Variants in ZNF18 observed in about 807,000 individuals in gnomAD.
The protein encoded by ZNF18 is heart development-specific gene 1 protein.
In ZNF18, 42 loss-of-function variants were observed where a neutral mutation model predicts 58.1. The ratio of observed to expected loss-of-function variants is 0.72; its 90% CI spans 0.56 to 0.93. The LOEUF (loss-of-function observed/expected upper bound fraction) is 0.93. Ranked by LOEUF, ZNF18 falls within the 40% of genes least tolerant of loss-of-function variation. The probability of loss-of-function intolerance (pLI) is 0.00; values close to 1 mark genes in which losing one functional copy is unlikely to be tolerated. For synonymous variants in ZNF18, 231 were observed against 239.8 expected (o/e 0.96, Z 0.34); for missense variants, 540 against 644.2 (o/e 0.84, Z 1.75).
chr17:11,985,620 G>C (rs1030787977), intron 4 of ZNF18, among the ~76,000 whole-genome samples: 1 of 152,126 alleles, frequency 6.6e-6, no homozygotes, highest in Admixed American at 6.5e-5. Flanking sequence ...GCCTCTACTA[G>C]CAATGTAAGC....
At position 11,977,960 on chromosome 17, in the gene ZNF18, T is replaced by C. The variant is rs1478870508; in HGVS notation, c.1647A>G (p.Gln549=). 1.3e-6 allele frequency: 2 copies of C among 1,557,326 alleles called. No homozygotes were observed. The highest frequency in any genetic ancestry group is 1.7e-6 in the Non-Finnish European group (2 of 1,154,638). ...QRSHLGKKPF[Q] is the part of the protein sequence containing the mutation. ...GGAAAGAGAGTTTGGTTACTGGCTA[T>C]TGAAAGGGCTTCTTTCCTAAGTGGG... The change falls in exon 7 of 7, where the codon CAA becomes CAG. Residue 549 remains glutamine (Q), a synonymous_variant. Transcript: ENST00000580306.
chr17:12,001,453 C>A (rs1230260225), upstream of ZNF18, among the ~76,000 whole-genome samples: 3 of 152,030 alleles, frequency 2.0e-5, no homozygotes, highest in South Asian at 2.1e-4. Flanking sequence ...CATGGTGAAA[C>A]CCCATCTCTA....
rs528550301 is a variant in ZNF18, at chr17:11,984,768, A to G, written c.667-571T>C. 7.0e-4 allele frequency among the ~76,000 whole-genome samples: 106 copies of G among 152,170 alleles called. 1 individual carries two copies. The highest frequency in any genetic ancestry group is 1.1e-3 in the Non-Finnish European group (72 of 68,004). The stretch of plus-strand genomic sequence containing the variant: ...GTGATCTGCCCGCCTTGGCCTCCTA[A>G]AGTGCTGGGATTACAGGTGTGAGCC... On this transcript the variant is annotated intron_variant, in intron 4 of 6. Coordinates refer to ENST00000580306, the MANE Select transcript of ZNF18 (RefSeq NM_001303281.2).
At chr17:11,995,848 A>G (rs1264924154) in intron 1 of ZNF18, among the ~76,000 whole-genome samples, 1 of 152,202 alleles carries the variant, frequency 6.6e-6, no homozygotes, top group African/African-American at 2.4e-5. Context: ...TAATTTTCAA[A>G]TGACTGATAT....
upstream of ZNF18, among the ~76,000 whole-genome samples, chr17:12,000,488 C>T (rs1025307855): frequency 3.9e-5 from 6 of 152,144 alleles, no homozygotes; most frequent in Non-Finnish European, 8.8e-5. Context: ...ATGGGCAGAT[C>T]ACCTGAGGTC....
Position 11,990,451 on chromosome 17 carries a change from C to G in ZNF18, c.666+11G>C, listed in dbSNP as rs747679599. The stretch of plus-strand genomic sequence containing the variant: ...AAGTTTCCTTTTCATCGCTTTTGTA[C>G]GTCAGCTCACCTGAGGTGCTGCTGG... On this transcript the variant is annotated intron_variant, in intron 4 of 6. Transcript: ENST00000580306. The G allele has an allele frequency of 3.1e-6, 5 of 1,609,116 alleles. No individual in the cohort carries two copies. Among genetic ancestry groups the G allele is most frequent in the Non-Finnish European group, 4.2e-6 (5 of 1,177,762 alleles).
chr17:11,997,396 G>T (rs1224353963), intron 1 of ZNF18, 35 bp downstream of exon 1: 1 of 152,242 alleles, frequency 6.6e-6, no homozygotes, highest in East Asian at 1.9e-4. Context: ...ACCCCGAGCG[G>T]CCGGAGGCCG....
intron 4 of ZNF18, among the ~76,000 whole-genome samples, chr17:11,989,274 A>G (rs1389934386): frequency 6.6e-6 from 1 of 152,176 alleles, no homozygotes; most frequent in Middle Eastern, 3.2e-3. Context: ...GCAGTGAGCT[A>G]TGACTGCACA....
At chr17:11,992,339 AC>A (rs1402809867) in intron 2 of ZNF18, 103 bp downstream of exon 2, 4 of 1,448,452 alleles carry the variant, frequency 2.8e-6, no homozygotes, top group Non-Finnish European at 3.7e-6. Flanking sequence ...GAAAAGCCCC[AC>A]CCATTTTGTG....
chr17:12,014,369 A>T, the ZNF18 span, among the ~76,000 whole-genome samples: 1 of 152,256 alleles, frequency 6.6e-6, no homozygotes, highest in African/African-American at 2.4e-5. Flanking sequence ...ATAGCCAAAA[A>T]GTGGAAGTGA....
chr17:11,986,768 C>T (rs1221782456), intron 4 of ZNF18, among the ~76,000 whole-genome samples: 1 of 152,170 alleles, frequency 6.6e-6, no homozygotes, highest in African/African-American at 2.4e-5. Flanking sequence ...TTGCCAAGCA[C>T]AGTAATATCT....
chr17:12,000,851 G>A (rs1968643527), upstream of ZNF18, among the ~76,000 whole-genome samples: 1 of 152,230 alleles, frequency 6.6e-6, no homozygotes, highest in Admixed American at 6.5e-5. Flanking sequence ...GAGTGGTTGG[G>A]AGTAGAGAAA....
intron 1 of ZNF18, chr17:11,997,123 C>A (rs8071582): frequency 0.38 from 58,452 of 152,246 alleles, 11,731 homozygotes; most frequent in East Asian, 0.57. Flanking sequence ...TAGGGGAAGA[C>A]AGCGGGGAGG....
At position 11,992,754 on chromosome 17, in the gene ZNF18, A is replaced by C; in HGVS notation, c.76T>G (p.Ser26Ala). The C allele has an allele frequency of 2.5e-6, 4 of 1,614,226 alleles. No homozygotes were observed. The highest frequency in any genetic ancestry group is 1.1e-5 in the South Asian group (1 of 91,088). The change falls in exon 2 of 7, where the codon TCA (serine) becomes GCA (alanine). Residue 26 changes from serine to alanine, a missense_variant. Physicochemically the swap from Ser to Ala is moderately conservative, Grantham distance 99. Coordinates refer to ENST00000580306, the MANE Select transcript of ZNF18 (RefSeq NM_001303281.2). ...AGTTCCTCTTGAAGGGCAGCATCTG[A>C]TTCTGAGAACTGGGAGTCCTCGGCC... ...AKAEDSQFSE[S>A]DAALQEELSS... is the part of the protein sequence containing the mutation.
upstream of ZNF18, among the ~76,000 whole-genome samples, chr17:12,000,876 A>T (rs1968643926): frequency 6.6e-6 from 1 of 152,244 alleles, no homozygotes; most frequent in Admixed American, 6.5e-5. Context: ...GAATGGAATA[A>T]GTTCAATAAG....
chr17:12,005,718 C>T, the ZNF18 span, among the ~76,000 whole-genome samples: 1 of 152,098 alleles, frequency 6.6e-6, no homozygotes, highest in Admixed American at 6.6e-5. Context: ...TATTATATTT[C>T]TGGTGAGAAC....
intron 2 of ZNF18, 108 bp downstream of exon 2, chr17:11,992,335 C>T: frequency 2.1e-6 from 3 of 1,421,568 alleles, no homozygotes; most frequent in Non-Finnish European, 2.8e-6. Flanking sequence ...GTGTGAAAAG[C>T]CCCACCCATT....
At chr17:11,986,105 A>T (rs1453445003) in intron 4 of ZNF18, among the ~76,000 whole-genome samples, 2 of 152,208 alleles carry the variant, frequency 1.3e-5, no homozygotes, top group Admixed American at 6.5e-5. Flanking sequence ...TTCTCATCAT[A>T]GTGAATAAGA....
At chr17:12,016,352 T>G in the ZNF18 span, among the ~76,000 whole-genome samples, 1 of 152,150 alleles carries the variant, frequency 6.6e-6, no homozygotes, top group East Asian at 1.9e-4. Context: ...TTTTTTGAGA[T>G]GGAATCTCCC....
Sources: gnomAD v4.1 joint callset for allele counts (sites outside exome capture counted in the v4.1 genomes callset) on GRCh38, gnomAD v4.1.1 for gene constraint, MANE v1.5 for transcripts, NCBI Gene and HGNC (gene_info 2026-07-23, HGNC 2026-07-21) for gene names.